Variants in ACSM3 observed in about 807,000 individuals in gnomAD.
ACSM3 encodes the protein acyl-coenzyme A synthetase ACSM3, mitochondrial.
A neutral mutation model predicts 74.1 loss-of-function variants in ACSM3; 61 were observed. The ratio of observed to expected loss-of-function variants is 0.82; its 90% CI spans 0.67 to 1.02. The LOEUF (loss-of-function observed/expected upper bound fraction) is 1.02, where lower values mean the gene tolerates loss of function less well. Ranked by LOEUF, ACSM3 falls within the 50% of genes least tolerant of loss-of-function variation. ACSM3 has a pLI of 0.00. For synonymous variants in ACSM3, 213 were observed against 241.5 expected (o/e 0.88, Z 1.09); for missense variants, 660 against 697.0 (o/e 0.95, Z 0.60).
At chr16:20,738,687 G>T in intron 1 of ACSM3, 1 of 567,528 alleles carries the variant, frequency 1.8e-6, no homozygotes, top group Non-Finnish European at 3.1e-6. Flanking sequence ...GAAGGAAGCA[G>T]CAAAGCCAGG....
intron 1 of ACSM3, among the ~76,000 whole-genome samples, chr16:20,699,856 T>C (rs2079708480): frequency 6.6e-6 from 1 of 152,186 alleles, no homozygotes; most frequent in Non-Finnish European, 1.5e-5. Context: ...ACAAGAGGTA[T>C]ACAGCGGACA....
intron 1 of ACSM3, chr16:20,681,025 T>C (rs1285388481): frequency 6.6e-6 from 1 of 152,126 alleles, no homozygotes; most frequent in African/African-American, 2.4e-5. Flanking sequence ...TCAAAAAGGA[T>C]GTGGACATAG....
intron 5 of ACSM3, 51 bp from the exon 6 acceptor site, chr16:20,780,923 C>G (rs2080338840): frequency 1.9e-6 from 3 of 1,612,304 alleles, no homozygotes; most frequent in East Asian, 2.2e-5. Flanking sequence ...ATGTACTGGT[C>G]TTTTATATTT....
upstream of ACSM3, among the ~76,000 whole-genome samples, chr16:20,761,711 TCTC>T (rs2080078364): frequency 6.6e-6 from 1 of 152,230 alleles, no homozygotes; most frequent in Non-Finnish European, 1.5e-5. Context: ...GGAAAGGCAG[TCTC>T]CTAAGAGATA....
chr16:20,676,678 T>C (rs551373171), intron 1 of ACSM3, among the ~76,000 whole-genome samples: 2 of 152,128 alleles, frequency 1.3e-5, no homozygotes, highest in Non-Finnish European at 2.9e-5. Flanking sequence ...GAAGAGAAGC[T>C]GGCTTTGCAA....
At position 20,770,243 on chromosome 16, in the gene ACSM3, A is replaced by G. The variant is rs550468558; in HGVS notation, c.209A>G (p.Asp70Gly). The G allele has an allele frequency of 1.2e-6, 2 of 1,613,986 alleles. No individual in the cohort carries two copies. Among genetic ancestry groups the G allele is most frequent in the Admixed American group, 3.3e-5 (2 of 60,026 alleles). Residue 70 changes from aspartate to glycine, a missense_variant, in exon 2 of 14, where the codon GAT becomes GGT. Coordinates refer to ENST00000289416, the MANE Select transcript of ACSM3 (RefSeq NM_005622.4). ...FAKDVLDQWT[D>G]KEKAGKKPSN... ...AAAGATGTCCTGGACCAATGGACTG[A>G]TAAGGAAAAGGTATGGGGGGAGGGC...
rs575581697 is a variant in ACSM3, at chr16:20,754,868, A to T, written c.-95-705A>T. ...GAGGGAGAGCAGTACAAAGAATCTG[A>T]ATGGCACAGAGAATCCAAGCTGGGC... On this transcript the variant is annotated intron_variant, in intron 2 of 3. Transcript: ENST00000561584. 3.9e-5 allele frequency among the ~76,000 whole-genome samples: 6 copies of T among 152,294 alleles called. No individual in the cohort carries two copies. The East Asian group carries it at 1.2e-3, about 29-fold the overall frequency.
chr16:20,742,811 A>AT (rs1253876901), intron 1 of ACSM3, among the ~76,000 whole-genome samples: 8 of 33,016 alleles, frequency 2.4e-4, no homozygotes, highest in East Asian at 4.4e-4. Flanking sequence ...ATATATATAT[A>AT]TATTTTTTTT....
chr16:20,748,327 A>T (rs1043640929), intron 1 of ACSM3, among the ~76,000 whole-genome samples: 1 of 152,216 alleles, frequency 6.6e-6, no homozygotes, highest in Non-Finnish European at 1.5e-5. Flanking sequence ...GTAAGAGTAC[A>T]GCATTCAATG....
At chr16:20,793,647 G>A (rs1184348649) in intron 12 of ACSM3, among the ~76,000 whole-genome samples, 1 of 152,198 alleles carries the variant, frequency 6.6e-6, no homozygotes, top group Non-Finnish European at 1.5e-5. Context: ...CAGTGGCTGG[G>A]AATTGGTAGT....
In ACSM3 at chr16:20,676,823, A is replaced by C. The variant is rs577604024; in HGVS notation, c.-190+2001A>C. ...ATGACACTAGAAGAATAAATGCCCC[A>C]AAAAATAAATAAATAAAATAAGGAG... is the stretch of plus-strand genomic sequence containing the variant. On this transcript the variant is annotated intron_variant, in intron 1 of 3. Transcript: ENST00000561584. 4.8e-3 allele frequency among the ~76,000 whole-genome samples: 733 copies of C among 152,252 alleles called. 11 individuals carry two copies. Among genetic ancestry groups the C allele is most frequent in the African/African-American group, 0.017 (697 of 41,520 alleles).
At chr16:20,749,066 A>G (rs2079970622) in intron 1 of ACSM3, among the ~76,000 whole-genome samples, 1 of 152,154 alleles carries the variant, frequency 6.6e-6, no homozygotes, top group South Asian at 2.1e-4. Flanking sequence ...GTCTCCACAA[A>G]AAAAGAAAAA....
chr16:20,791,643 A>T (rs1387897678), intron 10 of ACSM3, among the ~76,000 whole-genome samples: 1 of 152,086 alleles, frequency 6.6e-6, no homozygotes, highest in Non-Finnish European at 1.5e-5. Context: ...AATCCAATTG[A>T]GGGCCAGGAG....
At chr16:20,739,373 G>A (rs12931448) in intron 1 of ACSM3, among the ~76,000 whole-genome samples, 6 of 151,744 alleles carry the variant, frequency 4.0e-5, no homozygotes, top group African/African-American at 7.3e-5. Flanking sequence ...ATGGGGTTTC[G>A]CCATGTTGGT....
rs2080248767 is a variant in ACSM3, at chr16:20,775,852, C to A, written c.233C>A (p.Pro78His). ...WTDKEKAGKKPSNPAFWWINR... is the reference protein window; with the variant it reads ...WTDKEKAGKKHSNPAFWWINR... ...TTCTTTCCTCAGGCTGGAAAGAAAC[C>A]TTCAAATCCAGCCTTCTGGTGGATC... The change falls in exon 3 of 14, where the codon CCT becomes CAT. Residue 78 changes from proline (P) to histidine (H), a missense_variant. Coordinates refer to ENST00000289416, the MANE Select transcript of ACSM3 (RefSeq NM_005622.4). 2 of 1,614,004 alleles carry A rather than the reference C, an allele frequency of 1.2e-6. No homozygotes were observed. The highest frequency in any genetic ancestry group is 1.7e-6 in the Non-Finnish European group (2 of 1,180,018).
At position 20,785,077 on chromosome 16, in the gene ACSM3, T is replaced by C; in HGVS notation, c.1113T>C (p.Asp371=). Residue 371 remains aspartate, a synonymous_variant, in exon 8 of 14, where the codon GAT becomes GAC. Transcript: ENST00000289416. ...TEKWRNKTGL[D]IYEGYGQTET... ...AATGGAGAAACAAGACGGGCCTGGA[T>C]ATCTACGAAGGATATGGACAGACTG... is the stretch of plus-strand genomic sequence containing the variant. The C allele has an allele frequency of 6.2e-7, 1 of 1,613,528 alleles. No homozygotes were observed. Among genetic ancestry groups the C allele is most frequent in the East Asian group, 2.2e-5 (1 of 44,836 alleles).
At chr16:20,696,374 T>C (rs1381613503) in intron 1 of ACSM3, among the ~76,000 whole-genome samples, 2 of 152,238 alleles carry the variant, frequency 1.3e-5, no homozygotes, top group Non-Finnish European at 2.9e-5. Context: ...TGTCTATTTC[T>C]CACCGTGCTG....
Position 20,737,400 on chromosome 16 carries a change from T to C in ACSM3, c.-189-12510T>C, listed in dbSNP as rs564892621. On this transcript the variant is annotated intron_variant, in intron 1 of 3. Coordinates refer to the ACSM3 transcript ENST00000561584. ...AAACAAGACATACAGTAATCCACTC[T>C]TCTATGTGGACTTCAAATAATCTGA... 3.8e-6 allele frequency: 4 copies of C among 1,051,420 alleles called. No individual in the cohort carries two copies. The South Asian group carries it at 5.6e-5, about 15-fold the overall frequency. 65.1% of individuals were successfully genotyped at this position (1,051,420 alleles called of 1,614,324 possible). A position where few individuals can be genotyped will look rare whatever the true frequency, so the allele number is the denominator to read the frequency against.
chr16:20,752,180 ACT>A (rs1284803565), intron 2 of ACSM3, among the ~76,000 whole-genome samples: 1 of 151,210 alleles, frequency 6.6e-6, no homozygotes, highest in East Asian at 1.9e-4. Flanking sequence ...ACAGAGCGAG[ACT>A]CTGTCTCACA....
Sources: allele counts gnomAD v4.1 joint callset (sites outside exome capture counted in the v4.1 genomes callset), GRCh38; gene constraint gnomAD v4.1.1; transcripts MANE v1.5; gene names NCBI Gene and HGNC (gene_info 2026-07-23, HGNC 2026-07-21).